The following MGA variants were observed in gnomAD, a reference collection of about 807,000 sequenced individuals.
The protein encoded by MGA is MAX gene-associated protein.
Under a neutral mutation model 261.1 loss-of-function variants are expected in MGA, and 40 were observed. The ratio of observed to expected loss-of-function variants is 0.15; its 90% CI spans 0.12 to 0.20. The LOEUF (loss-of-function observed/expected upper bound fraction) is 0.20. Ranked by LOEUF, MGA falls within the 10% of genes least tolerant of loss-of-function variation. MGA has a pLI of 1.00. For missense variants in MGA, 3,397 were observed against 3,630.5 expected (o/e 0.94, Z 1.65); for synonymous variants, 1,302 against 1,290.6 (o/e 1.01, Z -0.19).
At chr15:41,623,671 G>A (rs1216706354) in intron 1 of MGA, among the ~76,000 whole-genome samples, 1 of 150,968 alleles carries the variant, frequency 6.6e-6, no homozygotes, top group Non-Finnish European at 1.5e-5. Context: ...AGGTTGCGGT[G>A]AGTGGAGATC....
At chr15:41,622,286 G>C (rs1415555791) in intron 1 of MGA, among the ~76,000 whole-genome samples, 2 of 152,078 alleles carry the variant, frequency 1.3e-5, no homozygotes, top group Non-Finnish European at 2.9e-5. Context: ...GCTCGGTAGA[G>C]GAGATCACCT....
In MGA at chr15:41,690,332, C is replaced by G. The variant is rs563536598; in HGVS notation, c.1065-5743C>G. ...ACATTACCACATTTTTTTTATTCATCAGTTGGACAGTAAGGTTTTTAGTTT... is the reference window on the plus strand; with the variant it reads ...ACATTACCACATTTTTTTTATTCATGAGTTGGACAGTAAGGTTTTTAGTTT... On this transcript the variant is annotated intron_variant, in intron 2 of 23. Transcript: ENST00000219905. Among the ~76,000 whole-genome samples, 3 of 152,222 alleles carry G rather than the reference C, an allele frequency of 2.0e-5. No homozygotes were observed. The East Asian group carries it at 5.8e-4, about 29-fold the overall frequency.
intron 9 of MGA, among the ~76,000 whole-genome samples, chr15:41,715,263 C>T (rs996300980): frequency 6.6e-6 from 1 of 151,646 alleles, no homozygotes; most frequent in Non-Finnish European, 1.5e-5. Context: ...AATTCTTCTG[C>T]CTCAGCCTCC....
intron 2 of MGA, among the ~76,000 whole-genome samples, chr15:41,692,444 C>T (rs541472168): frequency 2.6e-5 from 4 of 152,190 alleles, no homozygotes; most frequent in African/African-American, 9.7e-5. Flanking sequence ...TTGCAAAGAT[C>T]CTTTGCCTAT....
chr15:41,675,038 C>T (rs2058302856), intron 2 of MGA, among the ~76,000 whole-genome samples: 1 of 152,156 alleles, frequency 6.6e-6, no homozygotes, highest in South Asian at 2.1e-4. Context: ...TTAAGTTATT[C>T]TCCTATTGAT....
chr15:41,706,527 C>T (rs1005976006), intron 5 of MGA, among the ~76,000 whole-genome samples: 5 of 150,930 alleles, frequency 3.3e-5, no homozygotes, highest in East Asian at 1.9e-4. Context: ...TGGAAACTTA[C>T]GCCTGTGACT....
chr15:41,739,790 T>G, intron 13 of MGA, 116 bp from the exon 14 acceptor site: 2 of 1,047,904 alleles, frequency 1.9e-6, no homozygotes, highest in Non-Finnish European at 2.7e-6. Context: ...TCTTTTTCCC[T>G]TTTAAATCTG....
At chr15:41,670,786 G>A (rs1252393263) in intron 2 of MGA, among the ~76,000 whole-genome samples, 2 of 152,184 alleles carry the variant, frequency 1.3e-5, no homozygotes, top group Admixed American at 6.5e-5. Flanking sequence ...GATTACAGGC[G>A]TGAGCCACCG....
At chr15:41,715,682 C>G (rs916818571) in intron 9 of MGA, among the ~76,000 whole-genome samples, 2 of 152,078 alleles carry the variant, frequency 1.3e-5, no homozygotes, top group African/African-American at 4.8e-5. Flanking sequence ...ATATTAATGA[C>G]TGGATCTCTT....
upstream of MGA, among the ~76,000 whole-genome samples, chr15:41,656,340 T>TCTCCTCTCCTCTC (rs1555403715): frequency 4.4e-5 from 3 of 68,224 alleles, no homozygotes; most frequent in South Asian, 1.0e-3. Context: ...CTCCCTCTCC[T>TCTCCTCTCCTCTC]CTCTTCTCTC....
rs1193001165 is a variant in MGA at position 41,736,563 on chromosome 15, G to A, written c.4299G>A (p.Gln1433=). 1.2e-6 allele frequency: 2 copies of A among 1,613,892 alleles called. No homozygotes were observed. Among genetic ancestry groups the A allele is most frequent in the Non-Finnish European group, 1.7e-6 (2 of 1,179,906 alleles). The change falls in exon 13 of 24, where the codon CAG becomes CAA. Residue 1433 remains glutamine, a synonymous_variant. Transcript: ENST00000219905. ...AAATGGAGGATATCTCTCCTGTGCA[G>A]ACAGATGCCCTGGATTCAGTGAGGG...
At chr15:41,708,561 C>T (rs1442251695) in intron 7 of MGA, among the ~76,000 whole-genome samples, 3 of 152,166 alleles carry the variant, frequency 2.0e-5, no homozygotes, top group Non-Finnish European at 2.9e-5. Context: ...TCAGGTGATC[C>T]GTCCGCCTCG....
Position 41,742,569 on chromosome 15 carries a change from G to A in MGA, c.4609G>A (p.Val1537Met). The change falls in exon 15 of 24, where the codon GTG becomes ATG. Residue 1537 changes from valine to methionine, a missense_variant. By Grantham distance (21) the Val-to-Met change is conservative. Around this residue, in one of 9 missense-constraint regions of MGA, gnomAD observed 1,410 missense variants for 1,386.4 expected, o/e 1.02. Transcript: ENST00000219905. ...AGCGGCTCGACCCTCTCCTGGTGGT[G>A]TGTTCACACAGTTTGTGATGAGTAA... The A allele has an allele frequency of 6.2e-7, 1 of 1,613,676 alleles. No homozygotes were observed. Among genetic ancestry groups the A allele is most frequent in the South Asian group, 1.1e-5 (1 of 91,050 alleles).
In MGA at chr15:41,669,824, G is replaced by C. The variant is rs2057947740; in HGVS notation, c.930G>C (p.Leu310Phe). 4 of 1,613,860 alleles carry C rather than the reference G, an allele frequency of 2.5e-6. No individual in the cohort carries two copies. The highest frequency in any genetic ancestry group is 3.4e-6 in the Non-Finnish European group (4 of 1,179,888). ...TACAACCAGGTGATTTGGATCCTTTGTCAAGGGGTCATGAAACATCAGGCA... is the reference window on the plus strand; with the variant it reads ...TACAACCAGGTGATTTGGATCCTTTCTCAAGGGGTCATGAAACATCAGGCA... Residue 310 changes from leucine to phenylalanine, a missense_variant, in exon 2 of 24, where the codon TTG becomes TTC. By Grantham distance (22) the Leu-to-Phe change is conservative. Coordinates refer to ENST00000219905, the MANE Select transcript of MGA (RefSeq NM_001164273.2).
chr15:41,740,177 C>T lies in MGA; in HGVS notation c.4559C>T (p.Ala1520Val). 1 of 1,613,884 alleles carries T rather than the reference C, an allele frequency of 6.2e-7. No individual in the cohort carries two copies. Among genetic ancestry groups the T allele is most frequent in the Non-Finnish European group, 8.5e-7 (1 of 1,179,828 alleles). ...AATCGCCCTGGGAAGAATCTGAAGG[C>T]GTTTGTCCCAGCAAAACGGCCAATT... Residue 1520 changes from alanine (A) to valine (V), a missense_variant, in exon 14 of 24, where the codon GCG becomes GTG. Physicochemically the swap from Ala to Val is moderately conservative, Grantham distance 64. Around this residue, in one of 9 missense-constraint regions of MGA, gnomAD observed 1,410 missense variants for 1,386.4 expected, o/e 1.02. Transcript: ENST00000219905.
chr15:41,693,334 A>G (rs1440174191), intron 2 of MGA, among the ~76,000 whole-genome samples: 2 of 116,152 alleles, frequency 1.7e-5, no homozygotes, highest in Non-Finnish European at 3.4e-5. Context: ...ACAGTCCCCA[A>G]AGTGTGATGT....
chr15:41,739,880 G>A (rs2061996436), intron 13 of MGA, 26 bp from the exon 14 acceptor site: 3 of 1,600,862 alleles, frequency 1.9e-6, no homozygotes, highest in African/African-American at 1.3e-5. Flanking sequence ...TATCTTTACA[G>A]AATTTCTCTT....
chr15:41,740,503 T>C (rs2062032346), intron 14 of MGA, among the ~76,000 whole-genome samples: 1 of 152,120 alleles, frequency 6.6e-6, no homozygotes, highest in South Asian at 2.1e-4. Context: ...AGACTGGTTG[T>C]TATTAATGTA....
At chr15:41,653,065 C>A (rs919545624) in intron 1 of MGA, among the ~76,000 whole-genome samples, 88 of 152,066 alleles carry the variant, frequency 5.8e-4, no homozygotes, top group African/African-American at 2.1e-3. Context: ...ACAGCTTTTA[C>A]CTCTTTTTAA....
Sources: gnomAD v4.1 joint callset for allele counts (sites outside exome capture counted in the v4.1 genomes callset) on GRCh38, gnomAD v4.1.1 for gene constraint, gnomAD v4.1.1 regional missense constraint, MANE v1.5 for transcripts, NCBI Gene and HGNC (gene_info 2026-07-23, HGNC 2026-07-21) for gene names.